The following STIMATE variants were observed in gnomAD, a reference collection of about 807,000 sequenced individuals.
STIMATE encodes STIM activating enhancer.
In STIMATE, 15 loss-of-function variants were observed where a neutral mutation model predicts 36.7. The ratio of observed to expected loss-of-function variants is 0.41; its 90% CI spans 0.27 to 0.63. STIMATE has a LOEUF of 0.63. Among genes scored for constraint, STIMATE ranks in the 20% least tolerant of loss-of-function variants. The probability of loss-of-function intolerance (pLI) is 0.32; values close to 1 mark genes in which losing one functional copy is unlikely to be tolerated. For synonymous variants in STIMATE, 163 were observed against 162.3 expected, an observed-to-expected ratio of 1.00 and a Z score of -0.03; for missense variants, 305 against 397.3, an observed-to-expected ratio of 0.77 and a Z score of 1.98.
At chr3:52,844,516 G>C (rs1700860243) in intron 5 of STIMATE, among the ~76,000 whole-genome samples, 1 of 152,246 alleles carries the variant, frequency 6.6e-6, no homozygotes, top group African/African-American at 2.4e-5. Flanking sequence ...GTGACAGGAT[G>C]TTTGCCGATG....
intron 4 of STIMATE, among the ~76,000 whole-genome samples, chr3:52,845,938 C>CGG (rs10719008): frequency 1.6e-5 from 2 of 128,710 alleles, no homozygotes; most frequent in African/African-American, 6.5e-5. Context: ...TTGGGGGTGG[C>CGG]GGGGGGGCGG....
At chr3:52,840,689 T>C in intron 7 of STIMATE, 79 bp from the exon 8 acceptor site, 1 of 1,300,054 alleles carries the variant, frequency 7.7e-7, no homozygotes. Flanking sequence ...CCTGGGCCCT[T>C]CAAGTCTCAT....
chr3:52,847,496 T>C, intron 4 of STIMATE: 2 of 1,289,788 alleles, frequency 1.6e-6, no homozygotes, highest in Non-Finnish European at 2.0e-6. Context: ...GCCGGGGCTG[T>C]GTGGCTTATT....
At chr3:52,877,179 C>T (rs1200660901) in intron 1 of STIMATE, among the ~76,000 whole-genome samples, 1 of 152,214 alleles carries the variant, frequency 6.6e-6, no homozygotes, top group Non-Finnish European at 1.5e-5. Flanking sequence ...TTTTGGGCAA[C>T]CCAGTGCCTG....
At chr3:52,890,792 AACCTGAAGCCAC>A (rs1190216081) in intron 1 of STIMATE, among the ~76,000 whole-genome samples, 2 of 152,224 alleles carry the variant, frequency 1.3e-5, no homozygotes, top group Non-Finnish European at 2.9e-5. Context: ...CTCAGCAGGT[AACCTGAAGCCAC>A]CCAGAGCCCT....
intron 1 of STIMATE, among the ~76,000 whole-genome samples, chr3:52,896,180 C>T (rs1334196514): frequency 6.6e-6 from 1 of 152,106 alleles, no homozygotes; most frequent in Non-Finnish European, 1.5e-5. Flanking sequence ...GCAAGGTGGC[C>T]ACTCCAGCAA....
intron 1 of STIMATE, among the ~76,000 whole-genome samples, chr3:52,880,526 A>G (rs1388007111): frequency 6.6e-6 from 1 of 152,204 alleles, no homozygotes; most frequent in Non-Finnish European, 1.5e-5. Context: ...GGCTGGGGAA[A>G]AACCCAGTGG....
chr3:52,851,174 A>G (rs1700990738), intron 3 of STIMATE, among the ~76,000 whole-genome samples: 1 of 152,148 alleles, frequency 6.6e-6, no homozygotes. Context: ...TTCTCTCACC[A>G]AAGAAAGGCC....
intron 1 of STIMATE, among the ~76,000 whole-genome samples, chr3:52,858,924 C>G (rs558219750): frequency 2.6e-4 from 39 of 152,030 alleles, no homozygotes; most frequent in African/African-American, 9.2e-4. Context: ...TTAGGGAGGC[C>G]GAGGTGGGCA....
Position 52,855,377 on chromosome 3 carries a change from C to T in STIMATE, c.209+19G>A, listed in dbSNP as rs1407415145. 1 of 1,556,164 alleles carries T rather than the reference C, an allele frequency of 6.4e-7. No individual in the cohort carries two copies. The highest frequency in any genetic ancestry group is 1.7e-5 in the Admixed American group (1 of 57,144). The stretch of plus-strand genomic sequence containing the variant: ...ATAGTCAAAAGCACTCCAGAATGAA[C>T]TAATACCTAAACACATACCATATCC... On this transcript the variant is annotated intron_variant, in intron 2 of 7. Coordinates refer to ENST00000355083, the MANE Select transcript of STIMATE (RefSeq NM_198563.5).
chr3:52,883,875 C>T (rs1167375163), intron 1 of STIMATE, among the ~76,000 whole-genome samples: 6 of 152,098 alleles, frequency 3.9e-5, no homozygotes, highest in Admixed American at 1.3e-4. Context: ...TCTAAAATCT[C>T]TGTAATTTCT....
chr3:52,873,099 A>C (rs939600676), intron 1 of STIMATE, among the ~76,000 whole-genome samples: 5 of 152,222 alleles, frequency 3.3e-5, no homozygotes, highest in Non-Finnish European at 7.3e-5. Flanking sequence ...AATAACAAAA[A>C]CAAAAAGCAA....
intron 1 of STIMATE, among the ~76,000 whole-genome samples, chr3:52,866,628 T>C (rs1185762847): frequency 6.6e-6 from 1 of 152,134 alleles, no homozygotes; most frequent in Non-Finnish European, 1.5e-5. Context: ...CTTAACGCTA[T>C]GTTGTTTGGT....
intron 1 of STIMATE, among the ~76,000 whole-genome samples, chr3:52,857,406 G>C (rs549208206): frequency 1.3e-5 from 2 of 152,282 alleles, no homozygotes; most frequent in African/African-American, 4.8e-5. Flanking sequence ...GGTCTCACTT[G>C]GGGGCTGGAA....
At chr3:52,863,543 C>G (rs566460239) in intron 1 of STIMATE, among the ~76,000 whole-genome samples, 1 of 152,292 alleles carries the variant, frequency 6.6e-6, no homozygotes, top group South Asian at 2.1e-4. Context: ...CATTCTGCCA[C>G]TGGCCCTTCA....
chr3:52,864,095 G>A (rs1701262798), intron 1 of STIMATE, among the ~76,000 whole-genome samples: 1 of 152,224 alleles, frequency 6.6e-6, no homozygotes, highest in Middle Eastern at 3.2e-3. Flanking sequence ...TCCACTAGGC[G>A]GTACCCCAGT....
intron 2 of STIMATE, among the ~76,000 whole-genome samples, chr3:52,854,577 T>C (rs1701062064): frequency 6.6e-6 from 1 of 152,250 alleles, no homozygotes; most frequent in Non-Finnish European, 1.5e-5. Flanking sequence ...CTAGCGTTCA[T>C]CTGTGTCCTT....
At chr3:52,887,997 T>TTG (rs1553631427) in intron 1 of STIMATE, among the ~76,000 whole-genome samples, 1 of 117,858 alleles carries the variant, frequency 8.5e-6, no homozygotes, top group African/African-American at 3.1e-5. Context: ...AGAATCAGTT[T>TTG]TTTTTTTTTT....
intron 1 of STIMATE, among the ~76,000 whole-genome samples, chr3:52,869,547 T>C (rs1350402061): frequency 6.6e-6 from 1 of 152,166 alleles, no homozygotes; most frequent in Admixed American, 6.5e-5. Context: ...TGCCCTCCCT[T>C]CTCCTGGGTC....
Sources: allele counts gnomAD v4.1 joint callset (sites outside exome capture counted in the v4.1 genomes callset), GRCh38; gene constraint gnomAD v4.1.1; transcripts MANE v1.5; gene names NCBI Gene and HGNC (gene_info 2026-07-23, HGNC 2026-07-21).